IL1RAPL1: variants seen among roughly 807,000 people sequenced by gnomAD.
IL1RAPL1 encodes interleukin-1 receptor accessory protein-like 1.
In IL1RAPL1, 3 loss-of-function variants were observed where a neutral mutation model predicts 48.4. The observed-to-expected ratio is 0.06, with a 90% CI of 0.03 to 0.16. The LOEUF is 0.16. IL1RAPL1 is among the 10% of genes least tolerant of loss of function. The pLI, the probability that IL1RAPL1 is intolerant of heterozygous loss-of-function variation, is 1.00. For missense variants in IL1RAPL1, 349 were observed against 530.6 expected (o/e 0.66, Z 3.36); for synonymous variants, 185 against 187.7 (o/e 0.99, Z 0.12).
At chrX:28,704,839 A>AAAACAAAC (rs1935353015) in intron 1 of IL1RAPL1, among the ~76,000 whole-genome samples, 1 of 105,042 alleles carries the variant, frequency 9.5e-6, no homozygotes, top group African/African-American at 3.6e-5. Flanking sequence ...CACAAAAAAA[A>AAAACAAAC]AAAAAAAAAA....
At chrX:29,334,850 C>CGGGTTG (rs1289564603) in intron 3 of IL1RAPL1, among the ~76,000 whole-genome samples, 1 of 112,291 alleles carries the variant, frequency 8.9e-6, no homozygotes, top group Admixed American at 9.2e-5. Flanking sequence ...CAGGCAGAGA[C>CGGGTTG]GCTCCTCACT....
chrX:29,867,404 T>A (rs979177164), intron 6 of IL1RAPL1, among the ~76,000 whole-genome samples: 1 of 111,720 alleles, frequency 9.0e-6, no homozygotes, highest in African/African-American at 3.3e-5. Context: ...CCTTCATGAA[T>A]GGGATTATCA....
intron 2 of IL1RAPL1, among the ~76,000 whole-genome samples, chrX:28,920,959 A>C (rs971987256): frequency 1.8e-5 from 2 of 111,799 alleles, no homozygotes; most frequent in African/African-American, 6.5e-5. Context: ...TTGCATGTAT[A>C]ATTATGACCA....
At chrX:29,182,580 T>A (rs1409631009) in intron 2 of IL1RAPL1, among the ~76,000 whole-genome samples, 3 of 110,575 alleles carry the variant, frequency 2.7e-5, no homozygotes, top group African/African-American at 9.8e-5. Context: ...ACTTAGTTTT[T>A]TTTTTTTTTC....
At chrX:29,631,369 T>C (rs780802729) in intron 5 of IL1RAPL1, among the ~76,000 whole-genome samples, 1 of 111,611 alleles carries the variant, frequency 9.0e-6, no homozygotes, top group African/African-American at 3.3e-5. Flanking sequence ...CTCCATGGGC[T>C]CAGGTGAGCC....
intron 5 of IL1RAPL1, among the ~76,000 whole-genome samples, chrX:29,559,117 T>A (rs1922100779): frequency 8.9e-6 from 1 of 112,173 alleles, no homozygotes; most frequent in Admixed American, 9.4e-5. Flanking sequence ...TTCAACAATA[T>A]TAATTCTTCC....
At chrX:28,984,286 C>T (rs1925412675) in intron 2 of IL1RAPL1, among the ~76,000 whole-genome samples, 1 of 110,924 alleles carries the variant, frequency 9.0e-6, no homozygotes, top group African/African-American at 3.3e-5. Context: ...TATTTGTCTG[C>T]AATATTGGAT....
intron 6 of IL1RAPL1, among the ~76,000 whole-genome samples, chrX:29,783,528 A>T (rs1003090458): frequency 3.6e-5 from 4 of 111,801 alleles, no homozygotes; most frequent in Non-Finnish European, 7.5e-5. Flanking sequence ...AGAGGATGAG[A>T]TGAGTTGGAG....
chrX:28,954,001 A>G (rs1924538645), intron 2 of IL1RAPL1, among the ~76,000 whole-genome samples: 1 of 111,440 alleles, frequency 9.0e-6, no homozygotes, highest in East Asian at 2.8e-4. Context: ...TTTAACTGAT[A>G]CTTTTAAAAA....
At chrX:28,799,033 G>A (rs974171079) in intron 2 of IL1RAPL1, among the ~76,000 whole-genome samples, 1 of 111,947 alleles carries the variant, frequency 8.9e-6, no homozygotes, top group African/African-American at 3.2e-5. Context: ...ACCTGAAAAT[G>A]ATTTCCAGAC....
intron 5 of IL1RAPL1, among the ~76,000 whole-genome samples, chrX:29,445,410 T>C (rs1239026501): frequency 2.7e-5 from 3 of 111,800 alleles, no homozygotes; most frequent in African/African-American, 9.8e-5. Context: ...AATCAATTGC[T>C]GAGTTTCTGT....
chrX:29,914,689 A>T (rs201706366), intron 6 of IL1RAPL1, among the ~76,000 whole-genome samples: 1 of 792 alleles, frequency 1.3e-3, no homozygotes, highest in South Asian at 0.056. Context: ...GTCCTGGTAC[A>T]AAAAAAAACA....
At chrX:29,404,546 C>G (rs1022616972) in intron 5 of IL1RAPL1, among the ~76,000 whole-genome samples, 36 of 111,962 alleles carry the variant, frequency 3.2e-4, no homozygotes, top group African/African-American at 1.1e-3. Flanking sequence ...ACAGAGTACT[C>G]CCAGTTCCTC....
chrX:29,511,612 A>G (rs921981698), intron 5 of IL1RAPL1, among the ~76,000 whole-genome samples: 3 of 112,139 alleles, frequency 2.7e-5, no homozygotes, highest in Non-Finnish European at 3.8e-5. Context: ...ATCCACATGT[A>G]GAATACATTT....
At chrX:29,922,988 T>C in intron 8 of IL1RAPL1, among the ~76,000 whole-genome samples, 1 of 112,057 alleles carries the variant, frequency 8.9e-6, no homozygotes, top group South Asian at 3.7e-4. Flanking sequence ...AGGTAAACCT[T>C]CCAGGACATT....
At chrX:29,247,449 A>T (rs891063200) in intron 2 of IL1RAPL1, among the ~76,000 whole-genome samples, 1 of 111,643 alleles carries the variant, frequency 9.0e-6, no homozygotes, top group Non-Finnish European at 1.9e-5. Context: ...TAAAAAAAAA[A>T]AATTAAAAAC....
intron 5 of IL1RAPL1, among the ~76,000 whole-genome samples, chrX:29,477,148 A>G (rs1934986737): frequency 9.0e-6 from 1 of 111,180 alleles, no homozygotes; most frequent in Non-Finnish European, 1.9e-5. Flanking sequence ...TCTACATGGT[A>G]TAGATCAGCT....
chrX:29,836,171 G>T (rs1930996497), intron 6 of IL1RAPL1, among the ~76,000 whole-genome samples: 1 of 89,270 alleles, frequency 1.1e-5, no homozygotes, highest in African/African-American at 3.9e-5. Flanking sequence ...ATTTTGGTAT[G>T]TTGTGTTTTC....
chrX:29,397,740 C>T (rs1461695422), intron 4 of IL1RAPL1, among the ~76,000 whole-genome samples: 1 of 111,439 alleles, frequency 9.0e-6, no homozygotes, highest in African/African-American at 3.3e-5. Flanking sequence ...GAATTTGACC[C>T]AAAGTCTCCA....
Sources: gnomAD v4.1 joint callset for allele counts (sites outside exome capture counted in the v4.1 genomes callset) on GRCh38, gnomAD v4.1.1 for gene constraint, MANE v1.5 for transcripts, NCBI Gene and HGNC (gene_info 2026-07-23, HGNC 2026-07-21) for gene names.